The following PTPRD variants were observed in gnomAD, a reference collection of about 807,000 sequenced individuals.
The protein encoded by PTPRD is protein tyrosine phosphatase receptor type D, also known as receptor-type tyrosine-protein phosphatase delta.
Under a neutral mutation model 214.5 loss-of-function variants are expected in PTPRD, and 34 were observed. That is an observed-to-expected ratio of 0.16 (90% CI 0.12 to 0.21). The LOEUF is 0.21. Among genes scored for constraint, PTPRD ranks in the 10% least tolerant of loss-of-function variants. The pLI is 1.00. For missense variants in PTPRD, 2,545 were observed against 2,398.7 expected (o/e 1.06, Z -1.27); for synonymous variants, 1,128 against 845.7 (o/e 1.33, Z -5.79).
At chr9:8,378,736 T>G (rs1370109186) in intron 37 of PTPRD, among the ~76,000 whole-genome samples, 1 of 152,088 alleles carries the variant, frequency 6.6e-6, no homozygotes, top group Non-Finnish European at 1.5e-5. Flanking sequence ...GCCAGTTCAA[T>G]GCACTGAACC....
intron 3 of PTPRD, among the ~76,000 whole-genome samples, chr9:10,142,302 C>T (rs1441754385): frequency 2.0e-5 from 3 of 151,320 alleles, no homozygotes; most frequent in South Asian, 2.1e-4. Context: ...AGAGCTTCTG[C>T]ACAGCAAAAG....
intron 10 of PTPRD, among the ~76,000 whole-genome samples, chr9:9,092,874 T>C (rs2099778249): frequency 6.6e-6 from 1 of 151,978 alleles, no homozygotes; most frequent in South Asian, 2.1e-4. Flanking sequence ...ACACACAAAT[T>C]AAAATACAGA....
chr9:8,844,242 T>G (rs2097639513), intron 11 of PTPRD, among the ~76,000 whole-genome samples: 1 of 152,228 alleles, frequency 6.6e-6, no homozygotes, highest in Non-Finnish European at 1.5e-5. Flanking sequence ...TACATCATTA[T>G]TTCTCTCAAC....
At chr9:10,338,555 A>G (rs2096884113) in intron 3 of PTPRD, among the ~76,000 whole-genome samples, 1 of 151,754 alleles carries the variant, frequency 6.6e-6, no homozygotes, top group Non-Finnish European at 1.5e-5. Flanking sequence ...ATCTATAGAT[A>G]AAGGTGTAGT....
chr9:8,832,838 G>C (rs1017504223), intron 11 of PTPRD, among the ~76,000 whole-genome samples: 1 of 151,736 alleles, frequency 6.6e-6, no homozygotes, highest in Non-Finnish European at 1.5e-5. Flanking sequence ...GATTGCATGA[G>C]GCTTCATTTT....
intron 8 of PTPRD, among the ~76,000 whole-genome samples, chr9:9,490,904 TG>T (rs2095865414): frequency 6.6e-6 from 1 of 151,656 alleles, no homozygotes; most frequent in South Asian, 2.1e-4. Context: ...ATGAACGAAT[TG>T]TTTGTTGAAC....
chr9:9,088,734 G>C (rs828405), intron 10 of PTPRD, among the ~76,000 whole-genome samples: 80,352 of 151,708 alleles, frequency 0.53, 21,895 homozygotes, highest in Non-Finnish European at 0.6. Flanking sequence ...GATTGCAGAA[G>C]ACAAAGGTTT....
intron 10 of PTPRD, among the ~76,000 whole-genome samples, chr9:9,160,854 A>G (rs1049510172): frequency 5.9e-5 from 9 of 152,202 alleles, no homozygotes; most frequent in Non-Finnish European, 1.0e-4. Context: ...CTCGAAAAGA[A>G]GGAAATTCTG....
intron 9 of PTPRD, among the ~76,000 whole-genome samples, chr9:9,199,573 C>T (rs1017383279): frequency 6.6e-6 from 1 of 152,028 alleles, no homozygotes. Context: ...TAAAGGAAAC[C>T]AAGATCAATT....
chr9:9,227,063 C>T (rs1378401575), intron 9 of PTPRD, among the ~76,000 whole-genome samples: 2 of 151,832 alleles, frequency 1.3e-5, no homozygotes, highest in Non-Finnish European at 2.9e-5. Flanking sequence ...TCTTATAATA[C>T]TTTGGTGAAA....
intron 7 of PTPRD, among the ~76,000 whole-genome samples, chr9:9,623,754 C>G (rs532045547): frequency 6.6e-6 from 1 of 152,174 alleles, no homozygotes; most frequent in Non-Finnish European, 1.5e-5. Context: ...TATACTAAAG[C>G]TTGAAAAGCA....
chr9:9,260,466 T>C (rs571881867), intron 9 of PTPRD, among the ~76,000 whole-genome samples: 2 of 152,054 alleles, frequency 1.3e-5, no homozygotes, highest in East Asian at 3.9e-4. Context: ...TTCGCCAATA[T>C]ATGTACAATA....
At chr9:8,784,371 G>C (rs1408200066) in intron 11 of PTPRD, among the ~76,000 whole-genome samples, 1 of 152,116 alleles carries the variant, frequency 6.6e-6, no homozygotes, top group Non-Finnish European at 1.5e-5. Flanking sequence ...GTTCTTGTCT[G>C]TCAATCTTTC....
intron 10 of PTPRD, among the ~76,000 whole-genome samples, chr9:9,134,725 G>C (rs1569550677): frequency 6.6e-6 from 1 of 152,110 alleles, no homozygotes. Flanking sequence ...CTGACTTGCT[G>C]TGTGTTTTAC....
intron 3 of PTPRD, among the ~76,000 whole-genome samples, chr9:10,150,448 G>A (rs1288864584): frequency 6.6e-6 from 1 of 152,058 alleles, no homozygotes; most frequent in Non-Finnish European, 1.5e-5. Context: ...ACTCATAGGT[G>A]GGAATTGAAC....
intron 11 of PTPRD, among the ~76,000 whole-genome samples, chr9:8,747,250 C>T (rs148134617): frequency 6.6e-6 from 1 of 152,194 alleles, no homozygotes; most frequent in African/African-American, 2.4e-5. Context: ...GTGCTTACTT[C>T]ACTAATAGCC....
chr9:9,285,528 G>T (rs538763120), intron 9 of PTPRD, among the ~76,000 whole-genome samples: 1 of 151,754 alleles, frequency 6.6e-6, no homozygotes, highest in East Asian at 2.0e-4. Context: ...CTAAACCCTT[G>T]GTAAGGCATT....
At chr9:9,198,491 A>G (rs1386570604) in intron 9 of PTPRD, among the ~76,000 whole-genome samples, 1 of 152,144 alleles carries the variant, frequency 6.6e-6, no homozygotes, top group East Asian at 1.9e-4. Context: ...TGCGATGTGG[A>G]AGCGTACCAT....
At chr9:10,170,906 A>G (rs1430685961) in intron 3 of PTPRD, among the ~76,000 whole-genome samples, 3 of 152,154 alleles carry the variant, frequency 2.0e-5, no homozygotes. Context: ...ACACTGATTC[A>G]AGAACACACC....
Sources: gnomAD v4.1 joint callset for allele counts (sites outside exome capture counted in the v4.1 genomes callset) on GRCh38, gnomAD v4.1.1 for gene constraint, MANE v1.5 for transcripts, NCBI Gene and HGNC (gene_info 2026-07-23, HGNC 2026-07-21) for gene names.